AFAP1: variants seen among roughly 807,000 people sequenced by gnomAD.
AFAP1 encodes actin filament-associated protein 1.
Under a neutral mutation model 93.9 loss-of-function variants are expected in AFAP1, and 75 were observed. The ratio of observed to expected loss-of-function variants is 0.80; its 90% confidence interval spans 0.66 to 0.97. The LOEUF is 0.97. Ranked by LOEUF, AFAP1 falls within the 50% of genes least tolerant of loss-of-function variation. The probability of loss-of-function intolerance (pLI) is 0.00; values close to 1 mark genes in which losing one functional copy is unlikely to be tolerated. For missense variants in AFAP1, 1,201 were observed against 1,050.8 expected (o/e 1.14, Z -1.98); for synonymous variants, 517 against 430.7 (o/e 1.20, Z -2.48).
intron 6 of AFAP1, among the ~76,000 whole-genome samples, chr4:7,834,659 A>T (rs1422157901): frequency 6.6e-6 from 1 of 152,250 alleles, no homozygotes; most frequent in Admixed American, 6.5e-5. Flanking sequence ...GGTGGCTGGG[A>T]CTGCCTTGCT....
In AFAP1 at chr4:7,769,120, A is replaced by G. The variant is rs896205206; in HGVS notation, c.2254-112T>C. 8.0e-6 allele frequency: 11 copies of G among 1,372,688 alleles called. No homozygotes were observed. The South Asian group carries it at 1.3e-4, about 17-fold the overall frequency. The allele number at this position is 1,372,688 out of a possible 1,614,324, so 85.0% of individuals were successfully genotyped here. On this transcript the variant is annotated intron_variant, in intron 16 of 17. Transcript: ENST00000420658. ...AAATAAGTTTTGGAAATGGGCAAAA[A>G]TAACAGCAGTAGCAGCAAGGACTGC... is the stretch of plus-strand genomic sequence containing the variant.
intron 1 of AFAP1, among the ~76,000 whole-genome samples, chr4:7,917,849 G>C (rs1268520582): frequency 3.9e-5 from 6 of 152,188 alleles, no homozygotes; most frequent in African/African-American, 1.2e-4. Flanking sequence ...TCCCCTAGAG[G>C]TGGAAACGCA....
intron 1 of AFAP1, among the ~76,000 whole-genome samples, chr4:7,890,317 G>A (rs1718390617): frequency 6.6e-6 from 1 of 152,162 alleles, no homozygotes. Context: ...CTGAACAACT[G>A]GATGTCAGTA....
At chr4:7,848,128 G>GAAGGAAGGAAGGAAGGAAGGAAGGAAGT (rs1377379539) in intron 4 of AFAP1, among the ~76,000 whole-genome samples, 1 of 110,964 alleles carries the variant, frequency 9.0e-6, no homozygotes, top group African/African-American at 3.4e-5. Context: ...AGGAAGGAAG[G>GAAGGAAGGAAGGAAGGAAGGAAGGAAGT]GAGTGAGTGA....
intron 4 of AFAP1, among the ~76,000 whole-genome samples, chr4:7,844,143 T>C (rs1350616677): frequency 1.3e-5 from 2 of 151,866 alleles, no homozygotes; most frequent in Admixed American, 1.3e-4. Context: ...TGGACTGAAC[T>C]GTGTCCCTCC....
chr4:7,939,269 G>A lies in AFAP1; in HGVS notation c.-3+387C>T, dbSNP rs958268768. 1.3e-5 allele frequency: 4 copies of A among 311,920 alleles called. No homozygotes were observed. The highest frequency in any genetic ancestry group is 2.3e-5 in the African/African-American group (1 of 43,558). The allele number at this position is 311,920 out of a possible 1,614,324, so 19.3% of individuals were successfully genotyped here. A position where few individuals can be genotyped will look rare whatever the true frequency, so the allele number is the denominator to read the frequency against. On this transcript the variant is annotated intron_variant, in intron 1 of 17. Transcript: ENST00000420658. This position sits in a 1 kb window ranked among gnomAD's most constrained non-coding sequence, Gnocchi z 5.6. ...CGGACGAAGCAGTCTCGCTACGGGGGAGGGCGGCGGAGCCTCCCACTCTTG... is the reference window on the plus strand; with the variant it reads ...CGGACGAAGCAGTCTCGCTACGGGGAAGGGCGGCGGAGCCTCCCACTCTTG...
chr4:7,802,145 A>G (rs943856573), intron 9 of AFAP1, among the ~76,000 whole-genome samples: 1 of 152,180 alleles, frequency 6.6e-6, no homozygotes, highest in African/African-American at 2.4e-5. Flanking sequence ...ATAAAGTCTA[A>G]ATTTTCATTG....
chr4:7,911,862 C>T (rs2149226807), intron 1 of AFAP1, among the ~76,000 whole-genome samples: 1 of 152,258 alleles, frequency 6.6e-6, no homozygotes, highest in East Asian at 1.9e-4. Flanking sequence ...GGAAGGCTAC[C>T]TGGGATATTT....
chr4:7,781,296 T>A (rs1716742365), intron 13 of AFAP1, 80 bp downstream of exon 13: 1 of 1,496,282 alleles, frequency 6.7e-7, no homozygotes, highest in African/African-American at 1.4e-5. Context: ...ATGAGTCCCA[T>A]TTACTACAAG....
intron 1 of AFAP1, among the ~76,000 whole-genome samples, chr4:7,887,770 C>G (rs1355310592): frequency 6.6e-6 from 1 of 152,000 alleles, no homozygotes; most frequent in Non-Finnish European, 1.5e-5. Context: ...TGGCTTAGTA[C>G]GATTATGCTA....
intron 1 of AFAP1, among the ~76,000 whole-genome samples, chr4:7,912,549 T>G (rs903724982): frequency 2.0e-5 from 3 of 152,252 alleles, no homozygotes; most frequent in African/African-American, 7.2e-5. Flanking sequence ...CGGCTAATGA[T>G]GTTGAACATC....
rs1349384553 is a variant in AFAP1, at chr4:7,800,514, G to T, written c.1194C>A (p.Ile398=). The T allele has an allele frequency of 6.2e-7, 1 of 1,614,084 alleles. No individual in the cohort carries two copies. Among genetic ancestry groups the T allele is most frequent in the African/African-American group, 1.3e-5 (1 of 74,916 alleles). ...GAGGATGTTTAGAATCCAAACCCGG[G>T]ATCACCTCGCAGCCACGGAGCGGAA... is the stretch of plus-strand genomic sequence containing the variant. ...VSIPLRGCEV[I]PGLDSKHPLT... The change falls in exon 10 of 18, where the codon ATC becomes ATA. Residue 398 remains isoleucine, a synonymous_variant. Coordinates refer to ENST00000420658, the MANE Select transcript of AFAP1 (RefSeq NM_001134647.2).
At chr4:7,904,604 G>A (rs563078642) in intron 1 of AFAP1, among the ~76,000 whole-genome samples, 2 of 152,296 alleles carry the variant, frequency 1.3e-5, no homozygotes, top group Admixed American at 1.3e-4. Context: ...CTGAGGCATA[G>A]AAAGATTAAG....
At chr4:7,909,793 T>C (rs1008203406) in intron 1 of AFAP1, among the ~76,000 whole-genome samples, 1 of 152,202 alleles carries the variant, frequency 6.6e-6, no homozygotes, top group African/African-American at 2.4e-5. Flanking sequence ...GCTCCATTCC[T>C]GCAGATTCTA....
chr4:7,856,038 C>A (rs932314797), intron 3 of AFAP1, among the ~76,000 whole-genome samples: 1 of 152,216 alleles, frequency 6.6e-6, no homozygotes, highest in Non-Finnish European at 1.5e-5. Flanking sequence ...GACACAGATG[C>A]TCAGGCGCAC....
intron 4 of AFAP1, 145 bp from the exon 5 acceptor site, chr4:7,843,495 CAAAAACAAAAAT>C (rs1713307587): frequency 1.3e-6 from 1 of 755,394 alleles, no homozygotes; most frequent in Admixed American, 3.1e-5. Flanking sequence ...AAAACAAAAA[CAAAAACAAAAAT>C]AAAAAAACAA....
chr4:7,929,962 C>T (rs1720972347), intron 1 of AFAP1, among the ~76,000 whole-genome samples: 1 of 152,186 alleles, frequency 6.6e-6, no homozygotes, highest in Admixed American at 6.5e-5. Context: ...AATAAAGAGG[C>T]CATGTATGCA....
At chr4:7,934,500 T>C (rs941061599) in intron 1 of AFAP1, among the ~76,000 whole-genome samples, 34 of 152,190 alleles carry the variant, frequency 2.2e-4, no homozygotes, top group African/African-American at 6.8e-4. Context: ...ACAGAAAACA[T>C]AAATTCTTCG....
chr4:7,791,803 TA>T (rs1272611159), intron 11 of AFAP1, among the ~76,000 whole-genome samples: 4 of 146,592 alleles, frequency 2.7e-5, no homozygotes, highest in African/African-American at 7.7e-5. Flanking sequence ...CAATGAGTCA[TA>T]ATTGTGCCAC....
Sources: allele counts gnomAD v4.1 joint callset (sites outside exome capture counted in the v4.1 genomes callset), GRCh38; gene constraint gnomAD v4.1.1; non-coding constraint Gnocchi (gnomAD v3.1); transcripts MANE v1.5; gene names NCBI Gene and HGNC (gene_info 2026-07-23, HGNC 2026-07-21).